Variants in REC114 observed in about 807,000 individuals in gnomAD.
The protein encoded by REC114 is REC114 meiotic recombination protein, also known as meiotic recombination protein REC114.
In REC114, 27 loss-of-function variants were observed where a neutral mutation model predicts 31.3. That is an observed-to-expected ratio of 0.86 (90% CI 0.64 to 1.19). The LOEUF is 1.19. Ranked by LOEUF, REC114 falls within the 50% of genes most tolerant of loss-of-function variation. The pLI is 0.00. For synonymous variants in REC114, 134 were observed against 127.7 expected (o/e 1.05, Z -0.33); for missense variants, 344 against 326.9 (o/e 1.05, Z -0.40).
chr15:73,503,184 TAA>T (rs1324508896), intron 2 of REC114, among the ~76,000 whole-genome samples: 1 of 152,216 alleles, frequency 6.6e-6, no homozygotes, highest in African/African-American at 2.4e-5. Context: ...TCAAGAGAAA[TAA>T]GTTACTTTCA....
chr15:73,553,578 A>G (rs527991738), intron 4 of REC114, among the ~76,000 whole-genome samples: 2 of 152,336 alleles, frequency 1.3e-5, no homozygotes, highest in African/African-American at 4.8e-5. Context: ...AAAGGTAATG[A>G]AGTCACATCA....
intron 3 of REC114, among the ~76,000 whole-genome samples, chr15:73,542,590 A>C (rs1438663118): frequency 6.6e-6 from 1 of 152,160 alleles, no homozygotes; most frequent in Non-Finnish European, 1.5e-5. Flanking sequence ...ATGCCTGCTT[A>C]TGTGTCATGG....
Position 73,473,842 on chromosome 15 carries a change from C to A in REC114, c.170C>A (p.Ser57Tyr). Reference sequence around the variant, plus strand: ...CTTCTCCCTTTCAAGGTTTTTGATTCCAATGAAGAATCTGGATATCTTGTT... The same window carrying A: ...CTTCTCCCTTTCAAGGTTTTTGATTACAATGAAGAATCTGGATATCTTGTT... ...APCPTWKVFDSNEESGYLVLT... is the reference protein window; with the variant it reads ...APCPTWKVFDYNEESGYLVLT... The change falls in exon 2 of 6, where the codon TCC becomes TAC. Residue 57 changes from serine to tyrosine, a missense_variant. Physicochemically the swap from Ser to Tyr is moderately radical, Grantham distance 144. Transcript: ENST00000331090. 1 of 1,569,030 alleles carries A rather than the reference C, an allele frequency of 6.4e-7. No homozygotes were observed. Among genetic ancestry groups the A allele is most frequent in the South Asian group, 1.2e-5 (1 of 85,448 alleles).
chr15:73,556,532 C>T, intron 5 of REC114, 141 bp downstream of exon 5: 4 of 679,846 alleles, frequency 5.9e-6, no homozygotes, highest in Non-Finnish European at 9.6e-6. Context: ...CAGAGACGGG[C>T]CATTTTCATC....
Position 73,540,471 on chromosome 15 carries a change from TA to T in REC114, c.250-12del. ...TTTGTTTCTGTTGCTAATTTTTGCC[TA>T]ATTTTGTTTCAGGAAGGGTTTTCAC... On this transcript the variant is annotated splice_polypyrimidine_tract_variant and intron_variant, in intron 2 of 5. Transcript: ENST00000331090. 1 of 1,608,854 alleles carries T rather than the reference TA, an allele frequency of 6.2e-7. No homozygotes were observed. Among genetic ancestry groups the T allele is most frequent in the Non-Finnish European group, 8.5e-7 (1 of 1,175,204 alleles).
At chr15:73,481,208 G>A (rs994254695) in intron 2 of REC114, among the ~76,000 whole-genome samples, 1 of 152,030 alleles carries the variant, frequency 6.6e-6, no homozygotes, top group Non-Finnish European at 1.5e-5. Context: ...ATGGTTTTGG[G>A]CTTTCTGCTT....
At chr15:73,458,178 T>C (rs1357597877) in intron 1 of REC114, among the ~76,000 whole-genome samples, 2 of 152,244 alleles carry the variant, frequency 1.3e-5, no homozygotes, top group African/African-American at 4.8e-5. Context: ...GTACTGATAC[T>C]ATATGGAACT....
intron 2 of REC114, among the ~76,000 whole-genome samples, chr15:73,524,827 G>A (rs1893984833): frequency 6.6e-6 from 1 of 152,182 alleles, no homozygotes. Flanking sequence ...TTGAACTCCT[G>A]GCTTCAATTG....
chr15:73,538,642 G>C (rs899164808), intron 2 of REC114, among the ~76,000 whole-genome samples: 1 of 151,678 alleles, frequency 6.6e-6, no homozygotes, highest in Admixed American at 6.6e-5. Context: ...ATTTTTACTA[G>C]AGACAGGGTT....
chr15:73,471,237 C>A (rs1893128262), intron 1 of REC114, among the ~76,000 whole-genome samples: 1 of 151,960 alleles, frequency 6.6e-6, no homozygotes, highest in South Asian at 2.1e-4. Context: ...TAGACAAGAC[C>A]TATAAGAAGT....
At chr15:73,461,437 A>G (rs1892986255) in intron 1 of REC114, among the ~76,000 whole-genome samples, 1 of 152,160 alleles carries the variant, frequency 6.6e-6, no homozygotes, top group Non-Finnish European at 1.5e-5. Context: ...GCAGAAAACA[A>G]AACCCCTGAT....
chr15:73,505,827 C>T lies in REC114; in HGVS notation c.249+31906C>T, dbSNP rs113789998. Among the ~76,000 whole-genome samples, 1,215 of 152,258 alleles carry T rather than the reference C, an allele frequency of 8.0e-3. 21 individuals are homozygous for T. The highest frequency in any genetic ancestry group is 0.027 in the African/African-American group (1,129 of 41,552). ...GATTACAGGCGTGAGCCACCGCGCC[C>T]GGCCTGCACTTCTCCTTCTTACCCT... On this transcript the variant is annotated intron_variant, in intron 2 of 5. Coordinates refer to ENST00000331090, the MANE Select transcript of REC114 (RefSeq NM_001042367.2).
rs192952580 is a variant in REC114 at position 73,487,138 on chromosome 15, C to A, written c.249+13217C>A. Among the ~76,000 whole-genome samples the A allele has an allele frequency of 1.9e-3, 283 of 152,270 alleles. 1 individual carries two copies. Among genetic ancestry groups the A allele is most frequent in the Middle Eastern group, 3.4e-3 (1 of 292 alleles). ...TAAAGGTTCTACTTCTGTATACTAT[C>A]ATATTGGCAATTAAGTTTCAACATA... On this transcript the variant is annotated intron_variant, in intron 2 of 5. Coordinates refer to ENST00000331090, the MANE Select transcript of REC114 (RefSeq NM_001042367.2).
intron 5 of REC114, among the ~76,000 whole-genome samples, chr15:73,558,098 G>C (rs964594218): frequency 6.6e-6 from 1 of 152,146 alleles, no homozygotes. Flanking sequence ...CAAGCACTTT[G>C]GGGGGCTGAG....
At chr15:73,493,059 C>G (rs1460766771) in intron 2 of REC114, among the ~76,000 whole-genome samples, 1 of 151,882 alleles carries the variant, frequency 6.6e-6, no homozygotes, top group Non-Finnish European at 1.5e-5. Flanking sequence ...CTCTGACACT[C>G]TGGCTGGAGT....
At chr15:73,504,931 T>C (rs191192414) in intron 2 of REC114, among the ~76,000 whole-genome samples, 150 of 152,340 alleles carry the variant, frequency 9.8e-4, no homozygotes, top group Non-Finnish European at 1.6e-3. Flanking sequence ...TCTGCAATAA[T>C]AAACTTGCAT....
chr15:73,492,120 A>G (rs1396036717), intron 2 of REC114, among the ~76,000 whole-genome samples: 3 of 152,154 alleles, frequency 2.0e-5, no homozygotes, highest in Admixed American at 6.6e-5. Flanking sequence ...TAAGAAACAG[A>G]ACATTTTCAG....
intron 1 of REC114, among the ~76,000 whole-genome samples, chr15:73,449,940 G>C (rs1892820404): frequency 6.6e-6 from 1 of 152,162 alleles, no homozygotes; most frequent in South Asian, 2.1e-4. Context: ...TTACAGACAA[G>C]CAAATGCTGA....
chr15:73,451,090 G>A (rs1892840555), intron 1 of REC114, among the ~76,000 whole-genome samples: 2 of 152,144 alleles, frequency 1.3e-5, no homozygotes, highest in African/African-American at 2.4e-5. Context: ...AGAAGCAAGA[G>A]CAAACAAATT....
Sources: gnomAD v4.1 joint callset for allele counts (sites outside exome capture counted in the v4.1 genomes callset) on GRCh38, gnomAD v4.1.1 for gene constraint, MANE v1.5 for transcripts, NCBI Gene and HGNC (gene_info 2026-07-23, HGNC 2026-07-21) for gene names.